Variants in SORCS1 observed in about 807,000 individuals in gnomAD.
SORCS1 encodes VPS10 domain-containing receptor SorCS1.
A neutral mutation model predicts 146.1 loss-of-function variants in SORCS1; 60 were observed. That is an observed-to-expected ratio of 0.41 (90% CI 0.33 to 0.51). SORCS1 has a LOEUF of 0.51. SORCS1 is among the 20% of genes least tolerant of loss of function. The pLI is 0.21. For synonymous variants in SORCS1, 637 were observed against 584.0 expected (o/e 1.09, Z -1.31); for missense variants, 1,352 against 1,487.6 (o/e 0.91, Z 1.50).
intron 3 of SORCS1, among the ~76,000 whole-genome samples, chr10:106,805,284 T>C (rs1947106296): frequency 1.3e-5 from 2 of 151,978 alleles, no homozygotes; most frequent in South Asian, 4.1e-4. Context: ...CCTACGAAAC[T>C]AACCAGGGAG....
At chr10:106,701,297 A>C (rs1018789810) in intron 8 of SORCS1, among the ~76,000 whole-genome samples, 7 of 152,102 alleles carry the variant, frequency 4.6e-5, no homozygotes, top group African/African-American at 1.7e-4. Context: ...TTCTATATTA[A>C]ATCTAAACTT....
At chr10:106,915,598 C>T (rs546086369) in intron 2 of SORCS1, among the ~76,000 whole-genome samples, 1 of 152,252 alleles carries the variant, frequency 6.6e-6, no homozygotes, top group South Asian at 2.1e-4. Flanking sequence ...TTCCATTCCT[C>T]TTTCTTGTTG....
At chr10:107,037,287 TC>T (rs1458899135) in intron 1 of SORCS1, among the ~76,000 whole-genome samples, 1 of 152,072 alleles carries the variant, frequency 6.6e-6, no homozygotes, top group East Asian at 1.9e-4. Flanking sequence ...ATGAAGTCAG[TC>T]TACCAAAAAG....
intron 19 of SORCS1, among the ~76,000 whole-genome samples, chr10:106,627,466 T>C (rs1391669588): frequency 6.6e-6 from 1 of 152,246 alleles, no homozygotes; most frequent in African/African-American, 2.4e-5. Context: ...AAATGTGCTG[T>C]CATTTTTATT....
intron 1 of SORCS1, among the ~76,000 whole-genome samples, chr10:107,043,237 C>T (rs753926193): frequency 6.6e-6 from 1 of 152,128 alleles, no homozygotes; most frequent in Non-Finnish European, 1.5e-5. Context: ...AACTGGAAAG[C>T]ATCTAAGGAA....
chr10:106,604,580 C>G (rs1053479207), intron 23 of SORCS1, among the ~76,000 whole-genome samples: 1 of 152,196 alleles, frequency 6.6e-6, no homozygotes, highest in Non-Finnish European at 1.5e-5. Context: ...CAGTCTCTAG[C>G]TTGGTACCTT....
At chr10:107,155,384 T>A (rs1254618776) in intron 1 of SORCS1, among the ~76,000 whole-genome samples, 1 of 152,180 alleles carries the variant, frequency 6.6e-6, no homozygotes, top group East Asian at 1.9e-4. Flanking sequence ...TTGTAAAATA[T>A]AGATGCCTGG....
chr10:106,986,718 C>T (rs779340015), intron 1 of SORCS1, among the ~76,000 whole-genome samples: 33 of 152,218 alleles, frequency 2.2e-4, no homozygotes, highest in Admixed American at 6.5e-4. Context: ...TATTCGTCTA[C>T]AAGTTTAATG....
At chr10:107,073,833 A>C (rs921501261) in intron 1 of SORCS1, among the ~76,000 whole-genome samples, 1 of 152,198 alleles carries the variant, frequency 6.6e-6, no homozygotes, top group Non-Finnish European at 1.5e-5. Flanking sequence ...AAAGCAAAGA[A>C]GGTTACTTTC....
Position 106,841,332 on chromosome 10 carries a change from T to C in SORCS1, c.627-11659A>G, listed in dbSNP as rs1466102568. 2.0e-5 allele frequency among the ~76,000 whole-genome samples: 3 copies of C among 152,060 alleles called. No homozygotes were observed. In the East Asian group the frequency reaches 5.9e-4, roughly 30 times the overall value. On this transcript the variant is annotated intron_variant, in intron 2 of 25. Coordinates refer to ENST00000263054, the MANE Select transcript of SORCS1 (RefSeq NM_052918.5). ...TAAAAATACAAAAACTAGCCTGGTG[T>C]GGTGGCATGCGCCTGTAATCCCAGC...
rs1206179046 is a variant in SORCS1, at chr10:107,060,370, AAGCCATTT to A, written c.558+103591_558+103598del. On this transcript the variant is annotated intron_variant, in intron 1 of 25. Transcript: ENST00000263054. This position sits in a 1 kb window ranked among gnomAD's most constrained non-coding sequence, Gnocchi z 4.1. ...GATTAAAGTTAATTAAAAGATGAGA[AAGCCATTT>A]GAGGATAGCAAAATGTAGAGTGAGG... Among the ~76,000 whole-genome samples, 1 of 152,184 alleles carries A rather than the reference AAGCCATTT, an allele frequency of 6.6e-6. No individual in the cohort carries two copies. The highest frequency in any genetic ancestry group is 1.5e-5 in the Non-Finnish European group (1 of 68,024).
intron 1 of SORCS1, among the ~76,000 whole-genome samples, chr10:107,102,758 C>A (rs1206996146): frequency 6.6e-6 from 1 of 152,040 alleles, no homozygotes; most frequent in Admixed American, 6.6e-5. Flanking sequence ...AAAATGCACA[C>A]ACAATTAGAG....
At chr10:106,808,701 A>G (rs370519064) in intron 3 of SORCS1, among the ~76,000 whole-genome samples, 14 of 152,064 alleles carry the variant, frequency 9.2e-5, no homozygotes, top group African/African-American at 2.7e-4. Context: ...ACGGGGTTTC[A>G]CTGTGTTAGC....
intron 2 of SORCS1, among the ~76,000 whole-genome samples, chr10:106,866,120 A>G (rs1356274577): frequency 6.6e-6 from 1 of 152,096 alleles, no homozygotes; most frequent in Non-Finnish European, 1.5e-5. Context: ...TATTGAGCCA[A>G]TAGCAGCTCT....
At chr10:107,064,730 T>A (rs1961573194) in intron 1 of SORCS1, among the ~76,000 whole-genome samples, 1 of 152,368 alleles carries the variant, frequency 6.6e-6, no homozygotes, top group Non-Finnish European at 1.5e-5. Flanking sequence ...TGTGTAATTA[T>A]GCCATCTCTG....
intron 1 of SORCS1, among the ~76,000 whole-genome samples, chr10:107,004,261 C>T (rs532628646): frequency 6.8e-6 from 1 of 147,224 alleles, no homozygotes; most frequent in Non-Finnish European, 1.5e-5. Context: ...TATTCCTAAA[C>T]AGGTCTCTAC....
intron 1 of SORCS1, among the ~76,000 whole-genome samples, chr10:107,130,789 C>T (rs1438955546): frequency 1.3e-5 from 2 of 151,020 alleles, no homozygotes; most frequent in Non-Finnish European, 2.9e-5. Context: ...TTAAAAAATA[C>T]ATAAATGAAA....
intron 2 of SORCS1, among the ~76,000 whole-genome samples, chr10:106,841,756 T>C (rs1478023291): frequency 6.6e-6 from 1 of 152,230 alleles, no homozygotes; most frequent in Non-Finnish European, 1.5e-5. Context: ...TTTTCATGGC[T>C]TGATAGCTTT....
intron 24 of SORCS1, among the ~76,000 whole-genome samples, chr10:106,590,035 G>T (rs916482405): frequency 2.0e-5 from 3 of 151,754 alleles, no homozygotes; most frequent in Non-Finnish European, 4.4e-5. Context: ...CTCTCCCTTT[G>T]CTCATTATTT....
Sources: allele counts gnomAD v4.1 joint callset (sites outside exome capture counted in the v4.1 genomes callset), GRCh38; gene constraint gnomAD v4.1.1; non-coding constraint Gnocchi (gnomAD v3.1); transcripts MANE v1.5; gene names NCBI Gene and HGNC (gene_info 2026-07-23, HGNC 2026-07-21).